DCC: variants seen among roughly 807,000 people sequenced by gnomAD.
The protein encoded by DCC is DCC netrin 1 receptor, also known as netrin receptor DCC.
Under a neutral mutation model 172.5 loss-of-function variants are expected in DCC, and 58 were observed. That is an observed-to-expected ratio of 0.34 (90% CI 0.27 to 0.42). The LOEUF is 0.42. Ranked by LOEUF, DCC falls within the 10% of genes least tolerant of loss-of-function variation. The pLI, the probability that DCC is intolerant of heterozygous loss-of-function variation, is 1.00. For missense variants in DCC, 1,740 were observed against 1,791.0 expected (o/e 0.97, Z 0.51); for synonymous variants, 709 against 644.5 (o/e 1.10, Z -1.52).
At chr18:53,241,175 TAAAGGTGGGGCTTGA>T (rs1444523319) in intron 12 of DCC, among the ~76,000 whole-genome samples, 2 of 152,122 alleles carry the variant, frequency 1.3e-5, no homozygotes, top group African/African-American at 4.8e-5. Context: ...AGGTGAAGTC[TAAAGGTGGGGCTTGA>T]GAAGGTGGCT....
intron 19 of DCC, among the ~76,000 whole-genome samples, chr18:53,408,332 C>G (rs982132148): frequency 6.6e-6 from 1 of 152,272 alleles, no homozygotes; most frequent in South Asian, 2.1e-4. Context: ...AAATGTTCAC[C>G]TGGCTGAGGT....
In DCC at chr18:52,392,926, G is replaced by A. The variant is rs72916985; in HGVS notation, c.91+52048G>A. ...AGAATATAATGTTATGTCCCTTTAG[G>A]ATCTTCTTCCAATCTTATACAGATG... On this transcript the variant is annotated intron_variant, in intron 1 of 28. Coordinates refer to ENST00000442544, the MANE Select transcript of DCC (RefSeq NM_005215.4). 4.1e-3 allele frequency among the ~76,000 whole-genome samples: 630 copies of A among 152,088 alleles called. 4 individuals carry two copies. The highest frequency in any genetic ancestry group is 5.9e-3 in the Non-Finnish European group (401 of 67,968).
intron 3 of DCC, among the ~76,000 whole-genome samples, chr18:52,911,177 A>G (rs1264661091): frequency 6.6e-6 from 1 of 152,126 alleles, no homozygotes; most frequent in Non-Finnish European, 1.5e-5. Context: ...AACAAAGAGG[A>G]CACTTTCTTC....
At chr18:52,979,873 A>C (rs1298924966) in intron 5 of DCC, among the ~76,000 whole-genome samples, 1 of 152,166 alleles carries the variant, frequency 6.6e-6, no homozygotes. Context: ...CCAAGTGTAC[A>C]CTTTCTCCAC....
chr18:52,612,291 T>G (rs2034290838), intron 1 of DCC, among the ~76,000 whole-genome samples: 1 of 152,114 alleles, frequency 6.6e-6, no homozygotes, highest in Non-Finnish European at 1.5e-5. Flanking sequence ...TCCATCTTCC[T>G]CATCTCTCCC....
chr18:52,588,211 G>A (rs183467380), intron 1 of DCC, among the ~76,000 whole-genome samples: 2 of 152,296 alleles, frequency 1.3e-5, no homozygotes, highest in Admixed American at 6.5e-5. Flanking sequence ...CCTCCTCTGT[G>A]ATTCACCTAT....
At chr18:52,544,045 T>A (rs1204305747) in intron 1 of DCC, among the ~76,000 whole-genome samples, 1 of 152,316 alleles carries the variant, frequency 6.6e-6, no homozygotes, top group East Asian at 1.9e-4. Flanking sequence ...TTAACAAAAC[T>A]GGCCACAGTA....
chr18:53,341,475 G>A (rs1947410993), intron 15 of DCC, among the ~76,000 whole-genome samples: 1 of 152,138 alleles, frequency 6.6e-6, no homozygotes, highest in East Asian at 1.9e-4. Context: ...AAAGAGCTAG[G>A]AATATTTTTA....
At chr18:52,367,967 C>T (rs1438574320) in intron 1 of DCC, among the ~76,000 whole-genome samples, 1 of 152,146 alleles carries the variant, frequency 6.6e-6, no homozygotes, top group Non-Finnish European at 1.5e-5. Flanking sequence ...TTGTTCCAGT[C>T]CAGATAGTGA....
intron 5 of DCC, among the ~76,000 whole-genome samples, chr18:53,044,528 G>A (rs1394763680): frequency 6.6e-6 from 1 of 151,612 alleles, no homozygotes; most frequent in Non-Finnish European, 1.5e-5. Flanking sequence ...AGATATCTAA[G>A]ACTCTTTATA....
At chr18:52,427,666 A>G (rs1987474872) in intron 1 of DCC, among the ~76,000 whole-genome samples, 1 of 151,936 alleles carries the variant, frequency 6.6e-6, no homozygotes, top group African/African-American at 2.4e-5. Flanking sequence ...CCTGAAGGTG[A>G]TTTTCTTACT....
chr18:52,937,800 A>T (rs1223558220), intron 5 of DCC, among the ~76,000 whole-genome samples: 1 of 151,832 alleles, frequency 6.6e-6, no homozygotes, highest in Non-Finnish European at 1.5e-5. Context: ...TTTGTCTTAA[A>T]TTCTATCCAT....
At chr18:52,602,400 A>T (rs951228380) in intron 1 of DCC, among the ~76,000 whole-genome samples, 7 of 148,626 alleles carry the variant, frequency 4.7e-5, no homozygotes, top group South Asian at 4.3e-4. Flanking sequence ...TTAGTATCAA[A>T]GTGTGTGTGT....
intron 2 of DCC, among the ~76,000 whole-genome samples, chr18:52,819,298 C>T (rs913021504): frequency 1.6e-4 from 24 of 152,040 alleles, no homozygotes; most frequent in South Asian, 4.2e-4. Flanking sequence ...TGTCATTTTC[C>T]GAGCTTGCAG....
At chr18:53,343,716 T>C (rs950864744) in intron 15 of DCC, among the ~76,000 whole-genome samples, 10 of 151,980 alleles carry the variant, frequency 6.6e-5, no homozygotes, top group African/African-American at 2.2e-4. Context: ...TACAGAAAAT[T>C]TGTGTAAAAT....
chr18:53,009,670 T>C (rs938718508), intron 5 of DCC, among the ~76,000 whole-genome samples: 1 of 151,978 alleles, frequency 6.6e-6, no homozygotes, highest in Non-Finnish European at 1.5e-5. Context: ...TATATGTTAG[T>C]AACAAGACAG....
intron 1 of DCC, among the ~76,000 whole-genome samples, chr18:52,618,003 C>T (rs1198123011): frequency 1.3e-5 from 2 of 152,028 alleles, no homozygotes; most frequent in African/African-American, 2.4e-5. Flanking sequence ...TGAATCCATG[C>T]AGGGTATTGG....
intron 1 of DCC, among the ~76,000 whole-genome samples, chr18:52,721,269 G>T (rs1420541063): frequency 1.3e-5 from 2 of 152,140 alleles, no homozygotes; most frequent in African/African-American, 2.4e-5. Context: ...CTCTATACTT[G>T]CAATCTTTGT....
At chr18:53,099,250 A>G (rs1265900744) in intron 7 of DCC, among the ~76,000 whole-genome samples, 1 of 152,028 alleles carries the variant, frequency 6.6e-6, no homozygotes, top group African/African-American at 2.4e-5. Context: ...GTATTTATTT[A>G]TTCATTTATA....
Sources: gnomAD v4.1 joint callset for allele counts (sites outside exome capture counted in the v4.1 genomes callset) on GRCh38, gnomAD v4.1.1 for gene constraint, MANE v1.5 for transcripts, NCBI Gene and HGNC (gene_info 2026-07-23, HGNC 2026-07-21) for gene names.